LCT: variants seen among roughly 807,000 people sequenced by gnomAD.
LCT encodes the protein lactase/phlorizin hydrolase.
In LCT, 90 loss-of-function variants were observed where a neutral mutation model predicts 173.0. The ratio of observed to expected loss-of-function variants is 0.52; its 90% confidence interval spans 0.44 to 0.62. The LOEUF (loss-of-function observed/expected upper bound fraction) is 0.62, where lower values mean the gene tolerates loss of function less well. Ranked by LOEUF, LCT falls within the 20% of genes least tolerant of loss-of-function variation. The pLI, the probability that LCT is intolerant of heterozygous loss-of-function variation, is 0.00. For missense variants in LCT, 1,864 were observed against 2,431.4 expected (o/e 0.77, Z 4.91); for synonymous variants, 853 against 957.6 (o/e 0.89, Z 2.02).
At chr2:135,815,611 C>CA (rs995103010) in intron 6 of LCT, among the ~76,000 whole-genome samples, 1 of 152,056 alleles carries the variant, frequency 6.6e-6, no homozygotes, top group Non-Finnish European at 1.5e-5. Context: ...TCATCTTCCC[C>CA]AAAAGGTTAT....
Position 135,833,148 on chromosome 2 carries a change from T to C in LCT, c.683A>G (p.Glu228Gly), listed in dbSNP as rs1558747231. Residue 228 changes from glutamate to glycine, a missense_variant, in exon 2 of 17, where the codon GAG becomes GGG. Transcript: ENST00000264162. ...AGATATGGGTGGTTCTAGCAGGAGC[T>C]CCGGGATATCTTCAGCTCGCAGGAC... The part of the protein sequence containing the change: ...SVVLRAEDIP[E>G]LLLEPPISAL... 3.1e-6 allele frequency: 5 copies of C among 1,614,008 alleles called. No homozygotes were observed. Among genetic ancestry groups the C allele is most frequent in the Non-Finnish European group, 3.4e-6 (4 of 1,180,002 alleles).
intron 11 of LCT, among the ~76,000 whole-genome samples, chr2:135,803,546 A>G (rs1056249471): frequency 6.6e-6 from 1 of 152,232 alleles, no homozygotes; most frequent in African/African-American, 2.4e-5. Context: ...TTTCACTACT[A>G]TTAAATGAGC....
rs753114192 is a variant in LCT at position 135,803,926 on chromosome 2, T to C, written c.4663+4A>G. The stretch of plus-strand genomic sequence containing the variant: ...AGAGCCTATGAGCCAGGGCTGGGAC[T>C]TACCTGGAGCTGCTGTTCCGTAGCC... On this transcript the variant is annotated splice_donor_region_variant and intron_variant, in intron 11 of 16. Coordinates refer to ENST00000264162, the MANE Select transcript of LCT (RefSeq NM_002299.4). 6.2e-7 allele frequency: 1 copy of C among 1,612,864 alleles called. No homozygotes were observed.
intron 3 of LCT, among the ~76,000 whole-genome samples, chr2:135,824,659 G>A (rs900802719): frequency 1.3e-5 from 2 of 152,132 alleles, no homozygotes; most frequent in Admixed American, 6.5e-5. Context: ...CTTCGTAGGG[G>A]TTCATCATTC....
Position 135,790,039 on chromosome 2 carries a change from G to C in LCT, c.5336-241C>G, listed in dbSNP as rs571851871. The stretch of plus-strand genomic sequence containing the variant: ...TTTAGAAAGGCTCAGCCCTGAATGG[G>C]AGTCGGGAACATGGGTGGACTAATT... On this transcript the variant is annotated intron_variant, in intron 15 of 16. Transcript: ENST00000264162. This position sits in a 1 kb window ranked among gnomAD's most constrained non-coding sequence, Gnocchi z 4.1. Among the ~76,000 whole-genome samples, 2 of 152,312 alleles carry C rather than the reference G, an allele frequency of 1.3e-5. No homozygotes were observed. Among genetic ancestry groups the C allele is most frequent in the South Asian group, 4.1e-4 (2 of 4,822 alleles).
chr2:135,825,752 G>A (rs2077884149), intron 3 of LCT, among the ~76,000 whole-genome samples: 1 of 152,214 alleles, frequency 6.6e-6, no homozygotes, highest in Non-Finnish European at 1.5e-5. Context: ...AGAGGGCTGT[G>A]CAGGTGCTCC....
intron 13 of LCT, 113 bp from the exon 14 acceptor site, chr2:135,794,888 A>T (rs2077567837): frequency 1.7e-6 from 2 of 1,201,182 alleles, no homozygotes; most frequent in East Asian, 2.3e-5. Flanking sequence ...CTTGGCAGTG[A>T]GTAGGGGAAA....
chr2:135,830,954 C>T (rs980822801), intron 2 of LCT, among the ~76,000 whole-genome samples: 3 of 152,246 alleles, frequency 2.0e-5, no homozygotes, highest in Admixed American at 6.5e-5. Flanking sequence ...GAGGAGAAGA[C>T]AGAAATTTAG....
chr2:135,821,511 C>A (rs916100582), intron 5 of LCT, among the ~76,000 whole-genome samples: 1 of 152,204 alleles, frequency 6.6e-6, no homozygotes, highest in Non-Finnish European at 1.5e-5. Context: ...AACTAGAAGG[C>A]AGGAGTTCAA....
In LCT at chr2:135,789,564, A is replaced by G. The variant is rs2077518427; in HGVS notation, c.5563+7T>C. On this transcript the variant is annotated splice_region_variant and intron_variant, in intron 16 of 16. Transcript: ENST00000264162. ...AGGCTTTATTCCCTCCCAGAGCCAC[A>G]TCTCACCTGGCTGGTGGAGACAAGC... is the stretch of plus-strand genomic sequence containing the variant. 2 of 1,607,716 alleles carry G rather than the reference A, an allele frequency of 1.2e-6. No individual in the cohort carries two copies. The highest frequency in any genetic ancestry group is 1.7e-6 in the Non-Finnish European group (2 of 1,174,674).
In LCT at chr2:135,804,891, T is replaced by C. The variant is rs1456633690; in HGVS notation, c.4340A>G (p.Tyr1447Cys). Residue 1447 changes from tyrosine to cysteine, a missense_variant, in exon 10 of 17, where the codon TAC (tyrosine) becomes TGC (cysteine). Transcript: ENST00000264162. ...GCGAGACCAGGAGATGGAAAAACGG[T>C]AGTGGGACACGCCCAGGTTCTGCAG... ...VTLQNLGVSHYRFSISWSRIL... is the reference protein window; with the variant it reads ...VTLQNLGVSHCRFSISWSRIL... 1 of 1,614,078 alleles carries C rather than the reference T, an allele frequency of 6.2e-7. No homozygotes were observed. The highest frequency in any genetic ancestry group is 8.5e-7 in the Non-Finnish European group (1 of 1,180,006).
Position 135,829,631 on chromosome 2 carries a change from T to A in LCT, c.766A>T (p.Asn256Tyr). 1.9e-6 allele frequency: 3 copies of A among 1,614,046 alleles called. No homozygotes were observed. Among genetic ancestry groups the A allele is most frequent in the Non-Finnish European group, 2.5e-6 (3 of 1,179,916 alleles). The change falls in exon 3 of 17, where the codon AAT becomes TAT. Residue 256 changes from asparagine to tyrosine, a missense_variant. By Grantham distance (143) the Asn-to-Tyr change is moderately radical (BLOSUM62 -2). This residue lies in a region of LCT where 412 missense variants were observed against 462.0 expected (regional missense o/e 0.89). Coordinates refer to ENST00000264162, the MANE Select transcript of LCT (RefSeq NM_002299.4). ...AGCTTCTGCCGCAGACTTGCCTCAT[T>A]TTGGCATTCATAAGACAAATCAAGA... is the stretch of plus-strand genomic sequence containing the variant. Reference protein sequence around the residue: ...LSLDLSYECQNEASLRQKLSK... With the variant: ...LSLDLSYECQYEASLRQKLSK...
intron 3 of LCT, among the ~76,000 whole-genome samples, chr2:135,827,667 A>G (rs2077898737): frequency 6.6e-6 from 1 of 152,160 alleles, no homozygotes; most frequent in African/African-American, 2.4e-5. Context: ...GATCCCTCGC[A>G]TGCGCAGTTC....
Position 135,837,003 on chromosome 2 carries a change from G to A in LCT, c.167C>T (p.Ala56Val). The change falls in exon 1 of 17, where the codon GCA (alanine) becomes GTA (valine). Residue 56 changes from alanine to valine, a missense_variant. Ala to Val is a moderately conservative substitution (Grantham distance 64). Coordinates refer to ENST00000264162, the MANE Select transcript of LCT (RefSeq NM_002299.4). ...LLGDQSSNFV[A>V]GDKDMYVCHQ... Reference sequence around the variant, plus strand: ...ACAAACATACATGTCTTTGTCCCCTGCTACAAAGTTAGAACTCTGGTCTCC... The same window carrying A: ...ACAAACATACATGTCTTTGTCCCCTACTACAAAGTTAGAACTCTGGTCTCC... 1.2e-6 allele frequency: 2 copies of A among 1,614,124 alleles called. No individual in the cohort carries two copies. The highest frequency in any genetic ancestry group is 2.2e-5 in the East Asian group (1 of 44,888).
intron 5 of LCT, among the ~76,000 whole-genome samples, chr2:135,819,959 T>C (rs2077814141): frequency 6.6e-6 from 1 of 152,080 alleles, no homozygotes; most frequent in Non-Finnish European, 1.5e-5. Context: ...TTGCCGGCCA[T>C]GGAGAGGGAT....
rs375124695 is a variant in LCT, at chr2:135,837,069, G to A, written c.101C>T (p.Pro34Leu). ...SDRNFISTAG[P>L]LTNDLLHNLS... ...GTTGTGCAGCAAGTCATTGGTTAGA[G>A]GACCAGCGGTGGAAATGAAATTTCT... is the stretch of plus-strand genomic sequence containing the variant. The change falls in exon 1 of 17, where the codon CCT (proline) becomes CTT (leucine). Residue 34 changes from proline (P) to leucine (L), a missense_variant. Coordinates refer to ENST00000264162, the MANE Select transcript of LCT (RefSeq NM_002299.4). 2.5e-6 allele frequency: 4 copies of A among 1,614,068 alleles called. No individual in the cohort carries two copies. Among genetic ancestry groups the A allele is most frequent in the African/African-American group, 1.3e-5 (1 of 75,014 alleles).
rs766901502 is a variant in LCT, at chr2:135,804,977, G to A, written c.4254C>T (p.Asn1418=). The stretch of plus-strand genomic sequence containing the variant: ...CACAGGCCACGTCTCCAATGGCATC[G>A]TTCTCAACCCTCAGTGGTGTGTGAG... ...TFSHTPLRVE[N]DAIGDVACDS... Residue 1418 remains asparagine (N), a synonymous_variant, in exon 10 of 17, where the codon AAC becomes AAT. Coordinates refer to ENST00000264162, the MANE Select transcript of LCT (RefSeq NM_002299.4). 54 of 1,613,992 alleles carry A rather than the reference G, an allele frequency of 3.3e-5. No individual in the cohort carries two copies. Among genetic ancestry groups the A allele is most frequent in the Admixed American group, 6.7e-5 (4 of 59,984 alleles).
Position 135,836,768 on chromosome 2 carries a change from C to G in LCT, c.402G>C (p.Gln134His). The change falls in exon 1 of 17, where the codon CAG becomes CAC. Residue 134 changes from glutamine (Q) to histidine (H), a missense_variant. This residue lies in a region of LCT where 412 missense variants were observed against 462.0 expected (regional missense o/e 0.89). Transcript: ENST00000264162. The part of the protein sequence containing the change: ...RLQPMVILHH[Q>H]TLPASTLRRT... ...TCCGGAGGGTGCTGGCAGGGAGGGTCTGGTGGTGCAGGATGACCATGGGCT... is the reference window on the plus strand; with the variant it reads ...TCCGGAGGGTGCTGGCAGGGAGGGTGTGGTGGTGCAGGATGACCATGGGCT... 1.2e-6 allele frequency: 2 copies of G among 1,614,148 alleles called. No individual in the cohort carries two copies. The highest frequency in any genetic ancestry group is 1.7e-6 in the Non-Finnish European group (2 of 1,180,036).
chr2:135,789,885 G>A, intron 15 of LCT, 87 bp from the exon 16 acceptor site: 1 of 1,020,846 alleles, frequency 9.8e-7, no homozygotes, highest in East Asian at 2.4e-5. Flanking sequence ...TCTGCCTACT[G>A]CTCTCCCCAC....
Sources: gnomAD v4.1 joint callset for allele counts (sites outside exome capture counted in the v4.1 genomes callset) on GRCh38, gnomAD v4.1.1 for gene constraint, gnomAD v4.1.1 regional missense constraint, Gnocchi (gnomAD v3.1) non-coding constraint, MANE v1.5 for transcripts, NCBI Gene and HGNC (gene_info 2026-07-23, HGNC 2026-07-21) for gene names.